The following DAB1 variants were observed in gnomAD, a reference collection of about 807,000 sequenced individuals.
The protein encoded by DAB1 is disabled homolog 1.
A neutral mutation model predicts 64.6 loss-of-function variants in DAB1; 15 were observed. The ratio of observed to expected loss-of-function variants is 0.23; its 90% CI spans 0.16 to 0.36. The LOEUF (loss-of-function observed/expected upper bound fraction) is 0.36, where lower values mean the gene tolerates loss of function less well. DAB1 is among the 10% of genes least tolerant of loss of function. The probability of loss-of-function intolerance (pLI) is 1.00; values close to 1 mark genes in which losing one functional copy is unlikely to be tolerated. For missense variants in DAB1, 596 were observed against 706.7 expected (o/e 0.84, Z 1.78); for synonymous variants, 235 against 251.9 (o/e 0.93, Z 0.64).
chr1:57,234,388 C>T (rs997177521), intron 2 of DAB1, among the ~76,000 whole-genome samples: 1 of 151,860 alleles, frequency 6.6e-6, no homozygotes, highest in East Asian at 1.9e-4. Flanking sequence ...CCTTTTGGAG[C>T]CTTAATTTCC....
At chr1:57,684,083 A>T (rs1336317905) in intron 6 of DAB1, among the ~76,000 whole-genome samples, 2 of 152,218 alleles carry the variant, frequency 1.3e-5, no homozygotes, top group African/African-American at 4.8e-5. Flanking sequence ...AAAGGAATTA[A>T]ACAAATGAAA....
At chr1:57,005,815 G>T (rs957727868) in intron 14 of DAB1, among the ~76,000 whole-genome samples, 7 of 152,280 alleles carry the variant, frequency 4.6e-5, no homozygotes, top group African/African-American at 1.4e-4. Context: ...TACCTTGTCT[G>T]CAATATTTGT....
chr1:57,634,363 T>G (rs1646026653), intron 7 of DAB1, among the ~76,000 whole-genome samples: 1 of 152,226 alleles, frequency 6.6e-6, no homozygotes, highest in African/African-American at 2.4e-5. Flanking sequence ...TTGGGCAAGT[T>G]ATTGAACCTT....
chr1:58,048,451 A>G (rs1647390300), intron 5 of DAB1: 2 of 1,068,286 alleles, frequency 1.9e-6, no homozygotes, highest in Admixed American at 1.7e-5. Flanking sequence ...CACTCCCGCC[A>G]TAGCCACTGC....
At chr1:57,223,920 T>C (rs1023751437) in intron 2 of DAB1, among the ~76,000 whole-genome samples, 3 of 152,176 alleles carry the variant, frequency 2.0e-5, no homozygotes, top group Admixed American at 6.5e-5. Context: ...TGGGGAAAAC[T>C]GGCTTTGGAG....
chr1:57,446,058 GGTAA>G (rs1686125353), intron 7 of DAB1, among the ~76,000 whole-genome samples: 1 of 152,090 alleles, frequency 6.6e-6, no homozygotes, highest in African/African-American at 2.4e-5. Flanking sequence ...TATGATTTCA[GGTAA>G]GTAACTTGAC....
chr1:58,101,548 T>C (rs948755466), intron 5 of DAB1, among the ~76,000 whole-genome samples: 8 of 152,084 alleles, frequency 5.3e-5, no homozygotes, highest in Admixed American at 2.0e-4. Context: ...TAAGAAACCA[T>C]GGAGGTCCCT....
intron 5 of DAB1, among the ~76,000 whole-genome samples, chr1:58,026,377 G>A (rs1189650097): frequency 6.6e-6 from 1 of 152,150 alleles, no homozygotes; most frequent in Non-Finnish European, 1.5e-5. Context: ...TGATAAGAGG[G>A]TCACATTATT....
At chr1:57,037,073 C>A (rs946997410) in intron 9 of DAB1, among the ~76,000 whole-genome samples, 2 of 152,176 alleles carry the variant, frequency 1.3e-5, no homozygotes. Flanking sequence ...AATGCCAGAG[C>A]CACATCATCA....
intron 5 of DAB1, among the ~76,000 whole-genome samples, chr1:58,130,597 G>C (rs1336899972): frequency 6.6e-6 from 1 of 152,024 alleles, no homozygotes; most frequent in Non-Finnish European, 1.5e-5. Flanking sequence ...GGCTGGTACC[G>C]GTTGTTCCTT....
intron 7 of DAB1, among the ~76,000 whole-genome samples, chr1:57,518,526 C>A (rs1384551290): frequency 6.6e-6 from 1 of 152,228 alleles, no homozygotes; most frequent in Non-Finnish European, 1.5e-5. Flanking sequence ...TCACAACTGT[C>A]TGAAATGTCT....
At chr1:57,158,339 G>C (rs1660434301) in intron 2 of DAB1, among the ~76,000 whole-genome samples, 1 of 152,128 alleles carries the variant, frequency 6.6e-6, no homozygotes, top group African/African-American at 2.4e-5. Flanking sequence ...CTGGGAATAA[G>C]GGTGCAATTA....
chr1:57,633,239 G>C lies in DAB1; in HGVS notation n.625+16353C>G, dbSNP rs545259986. ...GGCTGTGAGGAGAGGAGGGGGCCGA[G>C]ATGACACTTCTCATTCAGGAATTCT... On this transcript the variant is annotated intron_variant and non_coding_transcript_variant, in intron 7 of 20. Transcript: ENST00000485760. 9.8e-5 allele frequency among the ~76,000 whole-genome samples: 15 copies of C among 152,318 alleles called. No individual in the cohort carries two copies. The East Asian group carries it at 2.7e-3, about 27-fold the overall frequency.
At chr1:57,138,750 C>G (rs555179636) in intron 3 of DAB1, among the ~76,000 whole-genome samples, 15 of 152,212 alleles carry the variant, frequency 9.9e-5, no homozygotes, top group Non-Finnish European at 4.4e-5. Flanking sequence ...CTCTCTGACC[C>G]TCTTAGCCAA....
At chr1:57,197,766 CA>C (rs1664754043) in intron 2 of DAB1, among the ~76,000 whole-genome samples, 1 of 152,148 alleles carries the variant, frequency 6.6e-6, no homozygotes, top group Non-Finnish European at 1.5e-5. Flanking sequence ...CACAAAGACA[CA>C]AAAAGGTTGA....
chr1:57,872,957 A>C (rs2101959399), intron 1 of DAB1, among the ~76,000 whole-genome samples: 1 of 152,258 alleles, frequency 6.6e-6, no homozygotes, highest in East Asian at 1.9e-4. Flanking sequence ...CTGGGAGACT[A>C]GGTCTGGACT....
At chr1:57,246,720 C>T (rs960490672) in intron 2 of DAB1, among the ~76,000 whole-genome samples, 1 of 152,212 alleles carries the variant, frequency 6.6e-6, no homozygotes, top group African/African-American at 2.4e-5. Flanking sequence ...ATAAGAGCAA[C>T]CTCGGGGGCT....
At chr1:57,348,867 A>G (rs1172766084) in intron 1 of DAB1, among the ~76,000 whole-genome samples, 4 of 152,152 alleles carry the variant, frequency 2.6e-5, no homozygotes, top group South Asian at 2.1e-4. Flanking sequence ...AAGTTCTCCA[A>G]GAAAGAAGCC....
chr1:58,081,747 T>G (rs938555889), intron 5 of DAB1, among the ~76,000 whole-genome samples: 4 of 152,220 alleles, frequency 2.6e-5, no homozygotes, highest in African/African-American at 9.7e-5. Flanking sequence ...TGTAGGAAGA[T>G]GTAGTATAGT....
Sources: gnomAD v4.1 joint callset for allele counts (sites outside exome capture counted in the v4.1 genomes callset) on GRCh38, gnomAD v4.1.1 for gene constraint, MANE v1.5 for transcripts, NCBI Gene and HGNC (gene_info 2026-07-23, HGNC 2026-07-21) for gene names.